The following TMEM178B variants were observed in gnomAD, a reference collection of about 807,000 sequenced individuals.
TMEM178B encodes the protein transmembrane protein 178B.
TMEM178B carries 5 observed loss-of-function variants against 31.0 expected under a neutral mutation model. That is an observed-to-expected ratio of 0.16 (90% CI 0.08 to 0.34). The LOEUF (loss-of-function observed/expected upper bound fraction) is 0.34, where lower values mean the gene tolerates loss of function less well. Ranked by LOEUF, TMEM178B falls within the 10% of genes least tolerant of loss-of-function variation. The pLI, the probability that TMEM178B is intolerant of heterozygous loss-of-function variation, is 1.00. For synonymous variants in TMEM178B, 164 were observed against 164.0 expected, an observed-to-expected ratio of 1.00 and a Z score of 0.00; for missense variants, 275 against 400.3, an observed-to-expected ratio of 0.69 and a Z score of 2.67.
intron 1 of TMEM178B, among the ~76,000 whole-genome samples, chr7:141,132,081 C>T (rs1014104460): frequency 2.0e-5 from 3 of 152,180 alleles, no homozygotes; most frequent in Admixed American, 2.0e-4. Context: ...AACCTTTATT[C>T]CTAGTCCTAG....
intron 2 of TMEM178B, among the ~76,000 whole-genome samples, chr7:141,325,136 TGAA>T (rs1799166849): frequency 6.6e-6 from 1 of 152,206 alleles, no homozygotes; most frequent in African/African-American, 2.4e-5. Context: ...AGGAGCCTGC[TGAA>T]GGTTTCATTA....
At chr7:141,276,075 A>T (rs79956604) in intron 2 of TMEM178B, among the ~76,000 whole-genome samples, 2 of 152,214 alleles carry the variant, frequency 1.3e-5, no homozygotes, top group African/African-American at 4.8e-5. Context: ...TTTGCTCCAG[A>T]TGTTTTTCCT....
intron 2 of TMEM178B, among the ~76,000 whole-genome samples, chr7:141,433,577 AT>A (rs1586957239): frequency 6.6e-6 from 1 of 151,952 alleles, no homozygotes; most frequent in Non-Finnish European, 1.5e-5. Flanking sequence ...TGCTAGACAC[AT>A]TTTTTTCAAT....
chr7:141,074,440 A>G lies in TMEM178B; in HGVS notation c.130A>G (p.Lys44Glu). 1 of 1,536,110 alleles carries G rather than the reference A, an allele frequency of 6.5e-7. No individual in the cohort carries two copies. Among genetic ancestry groups the G allele is most frequent in the Non-Finnish European group, 8.7e-7 (1 of 1,146,866 alleles). Reference protein sequence around the residue: ...TDARKHRDRCKAFNTRRVDPG... With the variant: ...TDARKHRDRCEAFNTRRVDPG... Reference sequence around the variant, plus strand: ...CGCCAGGAAGCACAGGGACAGGTGCAAGGCCTTCAACACCCGCCGGGTCGA... The same window carrying G: ...CGCCAGGAAGCACAGGGACAGGTGCGAGGCCTTCAACACCCGCCGGGTCGA... Residue 44 changes from lysine (K) to glutamate (E), a missense_variant, in exon 1 of 4, where the codon AAG becomes GAG. Coordinates refer to ENST00000565468, the MANE Select transcript of TMEM178B (RefSeq NM_001195278.2). The surrounding 1 kb of genome is among the most constrained non-coding windows in gnomAD (Gnocchi z 5.1).
chr7:141,148,603 C>A (rs1333357921), intron 1 of TMEM178B, among the ~76,000 whole-genome samples: 5 of 152,140 alleles, frequency 3.3e-5, no homozygotes, highest in Admixed American at 2.6e-4. Flanking sequence ...TTGAAAAATG[C>A]CTATTGGACT....
At chr7:141,217,958 C>T (rs1275012158) in intron 2 of TMEM178B, among the ~76,000 whole-genome samples, 1 of 152,064 alleles carries the variant, frequency 6.6e-6, no homozygotes, top group Non-Finnish European at 1.5e-5. Flanking sequence ...TTGAAGCTTT[C>T]TTCTGTCAGG....
chr7:141,104,686 G>C (rs574410599), intron 1 of TMEM178B, among the ~76,000 whole-genome samples: 1 of 152,296 alleles, frequency 6.6e-6, no homozygotes, highest in Admixed American at 6.5e-5. Context: ...AGGAGTCTGA[G>C]ATCAAGGTGT....
chr7:141,312,610 C>T (rs754416064), intron 2 of TMEM178B, among the ~76,000 whole-genome samples: 1 of 152,212 alleles, frequency 6.6e-6, no homozygotes, highest in Admixed American at 6.5e-5. Flanking sequence ...ATAGCCTCCC[C>T]AGTATTCAAC....
At chr7:141,193,727 C>T (rs1796734599) in intron 1 of TMEM178B, among the ~76,000 whole-genome samples, 1 of 152,184 alleles carries the variant, frequency 6.6e-6, no homozygotes, top group African/African-American at 2.4e-5. Flanking sequence ...ACTCAGGCCC[C>T]AACTCTGGTG....
At chr7:141,358,831 A>T (rs1799868210) in intron 2 of TMEM178B, among the ~76,000 whole-genome samples, 1 of 152,084 alleles carries the variant, frequency 6.6e-6, no homozygotes, top group East Asian at 1.9e-4. Flanking sequence ...TCTCAGGGAG[A>T]TGGGGTTTAG....
chr7:141,077,239 G>A (rs574792849), intron 1 of TMEM178B, among the ~76,000 whole-genome samples: 2 of 152,332 alleles, frequency 1.3e-5, no homozygotes, highest in African/African-American at 4.8e-5. Context: ...CCGCAAAAGA[G>A]ATCTCAGACC....
At chr7:141,277,127 T>C (rs1427889614) in intron 2 of TMEM178B, among the ~76,000 whole-genome samples, 2 of 152,126 alleles carry the variant, frequency 1.3e-5, no homozygotes, top group Non-Finnish European at 2.9e-5. Flanking sequence ...ATAAAATATA[T>C]TTTTCTTTCT....
At chr7:141,402,268 A>T (rs1424087812) in intron 2 of TMEM178B, among the ~76,000 whole-genome samples, 1 of 152,156 alleles carries the variant, frequency 6.6e-6, no homozygotes, top group Non-Finnish European at 1.5e-5. Flanking sequence ...CTGCTGAGGA[A>T]GCTCCTTTGC....
intron 1 of TMEM178B, among the ~76,000 whole-genome samples, chr7:141,203,412 C>T (rs779697604): frequency 3.9e-5 from 6 of 152,218 alleles, no homozygotes; most frequent in Non-Finnish European, 8.8e-5. Flanking sequence ...CACTTGGAGA[C>T]CCCACGTGGG....
intron 2 of TMEM178B, among the ~76,000 whole-genome samples, chr7:141,403,830 C>T (rs919360315): frequency 1.3e-5 from 2 of 152,306 alleles, no homozygotes; most frequent in African/African-American, 4.8e-5. Context: ...TCCAGAAAGA[C>T]CAGAGGTTCT....
chr7:141,229,340 A>G (rs895950250), intron 2 of TMEM178B, among the ~76,000 whole-genome samples: 1 of 152,148 alleles, frequency 6.6e-6, no homozygotes, highest in East Asian at 1.9e-4. Flanking sequence ...TTGTCACCGA[A>G]TGCTACTCTG....
chr7:141,356,664 T>A (rs939300067), intron 2 of TMEM178B, among the ~76,000 whole-genome samples: 2 of 151,218 alleles, frequency 1.3e-5, no homozygotes, highest in Admixed American at 6.6e-5. Flanking sequence ...GGGGGTGGTC[T>A]CTGCCTCAGG....
rs890581375 is a variant in TMEM178B at position 141,479,851 on chromosome 7, G to A, written c.*9065G>A. On this transcript the variant is annotated 3_prime_UTR_variant, in exon 4 of 4. Coordinates refer to ENST00000565468, the MANE Select transcript of TMEM178B (RefSeq NM_001195278.2). ...AGACAAGGAGTGGTGTGTACTGCAG[G>A]ATTCTAACAATGCCTCTGCCCTTGG... 1 of 152,176 alleles carries A rather than the reference G, an allele frequency of 6.6e-6. No homozygotes were observed. Among genetic ancestry groups the A allele is most frequent in the African/African-American group, 2.4e-5 (1 of 41,438 alleles). The allele number at this position is 152,176 out of a possible 1,614,324, so 9.4% of individuals were successfully genotyped here.
chr7:141,334,987 T>C (rs1173270639), intron 2 of TMEM178B, among the ~76,000 whole-genome samples: 2 of 152,180 alleles, frequency 1.3e-5, no homozygotes, highest in Non-Finnish European at 2.9e-5. Context: ...GGATCTTTTG[T>C]TTCACCTTTA....
Sources: gnomAD v4.1 joint callset for allele counts (sites outside exome capture counted in the v4.1 genomes callset) on GRCh38, gnomAD v4.1.1 for gene constraint, Gnocchi (gnomAD v3.1) non-coding constraint, MANE v1.5 for transcripts, NCBI Gene and HGNC (gene_info 2026-07-23, HGNC 2026-07-21) for gene names.